The following PDE7A variants were observed in gnomAD, a reference collection of about 807,000 sequenced individuals.
PDE7A encodes the protein high affinity 3',5'-cyclic-AMP phosphodiesterase 7A.
PDE7A carries 39 observed loss-of-function variants against 64.3 expected under a neutral mutation model. The ratio of observed to expected loss-of-function variants is 0.61; its 90% CI spans 0.47 to 0.79. The LOEUF (loss-of-function observed/expected upper bound fraction) is 0.79. Among genes scored for constraint, PDE7A ranks in the 30% least tolerant of loss-of-function variants. PDE7A has a pLI of 0.00. For missense variants in PDE7A, 470 were observed against 582.8 expected (o/e 0.81, Z 1.99); for synonymous variants, 203 against 206.8 (o/e 0.98, Z 0.16).
chr8:65,828,066 C>T (rs1472404978), intron 1 of PDE7A, among the ~76,000 whole-genome samples: 1 of 151,954 alleles, frequency 6.6e-6, no homozygotes, highest in African/African-American at 2.4e-5. Context: ...TTATATGATA[C>T]TCTAACAGAC....
intron 1 of PDE7A, among the ~76,000 whole-genome samples, chr8:65,811,583 C>G (rs1164227197): frequency 6.6e-6 from 1 of 152,216 alleles, no homozygotes; most frequent in African/African-American, 2.4e-5. Flanking sequence ...ATATCCAGCA[C>G]AGCAGCTATT....
At position 65,841,545 on chromosome 8, in the gene PDE7A, C is replaced by G. The variant is rs1258712345; in HGVS notation, c.-37G>C. 12 of 1,373,274 alleles carry G rather than the reference C, an allele frequency of 8.7e-6. No individual in the cohort carries two copies. Among genetic ancestry groups the G allele is most frequent in the South Asian group, 1.7e-5 (1 of 57,770 alleles). The allele number at this position is 1,373,274 out of a possible 1,614,324, so 85.1% of individuals were successfully genotyped here. ...GCCCTGCCTCCGCGCGGCGCCCGCC[C>G]TGCCGCGGCCGCCGGCCCCTGCAGT... On this transcript the variant is annotated 5_prime_UTR_variant, in exon 1 of 13. Coordinates refer to ENST00000401827, the MANE Select transcript of PDE7A (RefSeq NM_001242318.3).
chr8:65,720,490 A>G (rs1333761534), intron 12 of PDE7A: 1 of 154,204 alleles, frequency 6.5e-6, no homozygotes, highest in Non-Finnish European at 1.5e-5. Context: ...AATTAAAGCA[A>G]CCAGCATCCA....
chr8:65,793,837 AG>A (rs1809765555), intron 1 of PDE7A, among the ~76,000 whole-genome samples: 1 of 152,216 alleles, frequency 6.6e-6, no homozygotes, highest in Admixed American at 6.5e-5. Flanking sequence ...AAGTAGGACC[AG>A]GAGCACAAGT....
chr8:65,785,602 C>T (rs1809532073), intron 1 of PDE7A, among the ~76,000 whole-genome samples: 1 of 152,112 alleles, frequency 6.6e-6, no homozygotes, highest in South Asian at 2.1e-4. Context: ...GGTCTCTCCT[C>T]AATACCACCA....
intron 1 of PDE7A, among the ~76,000 whole-genome samples, chr8:65,797,946 A>G (rs1047502847): frequency 6.6e-6 from 1 of 150,924 alleles, no homozygotes; most frequent in South Asian, 2.1e-4. Context: ...TCTAGGGTTA[A>G]GTAAAGATTT....
At position 65,799,622 on chromosome 8, in the gene PDE7A, G is replaced by A. The variant is rs1386869766; in HGVS notation, c.139-16779C>T. On this transcript the variant is annotated intron_variant, in intron 1 of 12. Coordinates refer to ENST00000401827, the MANE Select transcript of PDE7A (RefSeq NM_001242318.3). ...GTGACGGGATTTAAGAGGTTGATTT[G>A]CTTTAATGTTAGGAGAGGTTAAGTG... 3.9e-5 allele frequency among the ~76,000 whole-genome samples: 6 copies of A among 152,288 alleles called. No individual in the cohort carries two copies. In the East Asian group the frequency reaches 5.8e-4, roughly 15 times the overall value.
At chr8:65,779,828 T>G in intron 2 of PDE7A, 25 bp from the exon 3 acceptor site, 1 of 1,464,234 alleles carries the variant, frequency 6.8e-7, no homozygotes, top group Non-Finnish European at 9.5e-7. Flanking sequence ...GAATAAAACA[T>G]AAGTTTAGAA....
chr8:65,822,935 TTAACTTTATCTATC>T (rs950170856), intron 1 of PDE7A, among the ~76,000 whole-genome samples: 21 of 149,494 alleles, frequency 1.4e-4, no homozygotes, highest in Admixed American at 4.0e-4. Flanking sequence ...ATCTTATCTA[TTAACTTTATCTATC>T]TATCTATCTA....
chr8:65,737,175 C>A (rs1807175871), intron 6 of PDE7A, among the ~76,000 whole-genome samples: 1 of 152,056 alleles, frequency 6.6e-6, no homozygotes, highest in East Asian at 1.9e-4. Context: ...CAGTATAGAG[C>A]CAAAGCCATT....
At chr8:65,809,929 G>T (rs1810211054) in intron 1 of PDE7A, among the ~76,000 whole-genome samples, 1 of 152,166 alleles carries the variant, frequency 6.6e-6, no homozygotes, top group East Asian at 1.9e-4. Context: ...CATTGTGGAA[G>T]ACAGTGTGGC....
chr8:65,804,452 C>T (rs535697280), intron 1 of PDE7A, among the ~76,000 whole-genome samples: 1 of 151,646 alleles, frequency 6.6e-6, no homozygotes, highest in Non-Finnish European at 1.5e-5. Context: ...TATTTGGACA[C>T]CAGAATTGCT....
intron 3 of PDE7A, among the ~76,000 whole-genome samples, chr8:65,761,780 A>G (rs1808506956): frequency 6.6e-6 from 1 of 152,196 alleles, no homozygotes; most frequent in African/African-American, 2.4e-5. Context: ...AATGTAAAAG[A>G]CATGTTTTTC....
chr8:65,784,032 C>T (rs1190162182), intron 1 of PDE7A, among the ~76,000 whole-genome samples: 1 of 151,172 alleles, frequency 6.6e-6, no homozygotes, highest in African/African-American at 2.4e-5. Flanking sequence ...GTTGAATTAA[C>T]AAGCAAAAAA....
intron 1 of PDE7A, among the ~76,000 whole-genome samples, chr8:65,793,141 C>G (rs1296957890): frequency 6.6e-6 from 1 of 152,154 alleles, no homozygotes; most frequent in Non-Finnish European, 1.5e-5. Context: ...ATTAGGCACA[C>G]TCCTAGTTGA....
intron 3 of PDE7A, among the ~76,000 whole-genome samples, chr8:65,776,961 T>C (rs1809276750): frequency 6.6e-6 from 1 of 152,208 alleles, no homozygotes. Context: ...TATTGCGCAT[T>C]AAATATGATG....
chr8:65,756,215 A>G (rs1808233992), intron 3 of PDE7A, among the ~76,000 whole-genome samples: 1 of 152,220 alleles, frequency 6.6e-6, no homozygotes, highest in South Asian at 2.1e-4. Flanking sequence ...GGTTTCAACA[A>G]TTTGACTATA....
chr8:65,835,851 G>A (rs1313102946), intron 1 of PDE7A, among the ~76,000 whole-genome samples: 2 of 152,154 alleles, frequency 1.3e-5, no homozygotes, highest in Admixed American at 6.6e-5. Flanking sequence ...CTCCTAGACT[G>A]AATGTGTTCC....
At chr8:65,757,952 TCAATTTATAACCCA>T (rs1224325095) in intron 3 of PDE7A, among the ~76,000 whole-genome samples, 1 of 152,198 alleles carries the variant, frequency 6.6e-6, no homozygotes, top group Non-Finnish European at 1.5e-5. Context: ...TTGATTTCCC[TCAATTTATAACCCA>T]CTTACTCATT....
Sources: allele counts gnomAD v4.1 joint callset (sites outside exome capture counted in the v4.1 genomes callset), GRCh38; gene constraint gnomAD v4.1.1; transcripts MANE v1.5; gene names NCBI Gene and HGNC (gene_info 2026-07-23, HGNC 2026-07-21).